The following CELF6 variants were observed in gnomAD, a reference collection of about 807,000 sequenced individuals.
The protein encoded by CELF6 is CUGBP Elav-like family member 6, also known as Bruno -like 6, RNA binding protein.
Under a neutral mutation model 53.1 loss-of-function variants are expected in CELF6, and 32 were observed. The observed-to-expected ratio is 0.60, with a 90% CI of 0.46 to 0.81. The LOEUF is 0.81. Among genes scored for constraint, CELF6 ranks in the 30% least tolerant of loss-of-function variants. The pLI, the probability that CELF6 is intolerant of heterozygous loss-of-function variation, is 0.00. For synonymous variants in CELF6, 291 were observed against 288.8 expected (o/e 1.01, Z -0.08); for missense variants, 539 against 669.5 (o/e 0.81, Z 2.15).
At chr15:72,307,111 C>T (rs887466809) in intron 2 of CELF6, among the ~76,000 whole-genome samples, 4 of 152,060 alleles carry the variant, frequency 2.6e-5, no homozygotes, top group Admixed American at 1.3e-4. Flanking sequence ...TTTATTAGTT[C>T]TTAAATAGAT....
chr15:72,302,026 C>T (rs1030853673), intron 3 of CELF6, among the ~76,000 whole-genome samples: 3 of 152,186 alleles, frequency 2.0e-5, no homozygotes, highest in African/African-American at 7.2e-5. Flanking sequence ...TGAGCCACTG[C>T]TCCCAGCCAA....
chr15:72,319,713 C>T lies in CELF6; in HGVS notation c.162G>A (p.Pro54=). The change falls in exon 1 of 13, where the codon CCG becomes CCA. Residue 54 remains proline, a synonymous_variant. Coordinates refer to ENST00000287202, the MANE Select transcript of CELF6 (RefSeq NM_052840.5). This position sits in a 1 kb window ranked among gnomAD's most constrained non-coding sequence, Gnocchi z 5.0. ...DAIKLFVGQI[P]RGLDEQDLKP... ...TGAGGTCCTGCTCGTCCAAGCCCCGCGGGATCTGCCCCACGAAGAGCTTGA... is the reference window on the plus strand; with the variant it reads ...TGAGGTCCTGCTCGTCCAAGCCCCGTGGGATCTGCCCCACGAAGAGCTTGA... The T allele has an allele frequency of 6.3e-7, 1 of 1,598,450 alleles. No individual in the cohort carries two copies. The highest frequency in any genetic ancestry group is 8.5e-7 in the Non-Finnish European group (1 of 1,172,498).
chr15:72,291,307 G>A (rs756339696), intron 3 of CELF6, among the ~76,000 whole-genome samples: 30 of 152,172 alleles, frequency 2.0e-4, no homozygotes, highest in Admixed American at 5.9e-4. Flanking sequence ...GGGAGCGTGG[G>A]GTAGAGGGGT....
chr15:72,310,738 T>C (rs10851852), intron 2 of CELF6, among the ~76,000 whole-genome samples: 147,770 of 151,968 alleles, frequency 0.97, 71,995 homozygotes, highest in East Asian at 1. Context: ...GATCCTCCAG[T>C]CTCAGCCTCC....
intron 2 of CELF6, among the ~76,000 whole-genome samples, chr15:72,311,405 C>CTTTTT (rs531976963): frequency 7.2e-6 from 1 of 138,592 alleles, no homozygotes; most frequent in African/African-American, 2.7e-5. Context: ...CACCTTTTTT[C>CTTTTT]TTTTTTTTTT....
rs549531529 is a variant in CELF6, at chr15:72,289,180, C to G, written c.988G>C (p.Gly330Arg). 40 of 1,559,406 alleles carry G rather than the reference C, an allele frequency of 2.6e-5. 1 individual carries two copies. In the South Asian group the frequency reaches 4.2e-4, roughly 17 times the overall value. Reference sequence around the variant, plus strand: ...CCGTTATTGTAGAGCGTGTCGGAGCCCGGCTGGCCATTGGTCTGGGGGGTC... The same window carrying G: ...CCGTTATTGTAGAGCGTGTCGGAGCGCGGCTGGCCATTGGTCTGGGGGGTC... ...PLTPQTNGQP[G>R]SDTLYNNGLS... is the part of the protein sequence containing the mutation. Residue 330 changes from glycine to arginine, a missense_variant, in exon 8 of 13, where the codon GGC becomes CGC. Physicochemically the swap from Gly to Arg is moderately radical, Grantham distance 125. Transcript: ENST00000287202. This position sits in a 1 kb window ranked among gnomAD's most constrained non-coding sequence, Gnocchi z 7.6.
chr15:72,315,031 C>T lies in CELF6; in HGVS notation c.345+814G>A, dbSNP rs191897281. ...ATATATCTTGTGTCTTTACTTCATC[C>T]TCGTCTCTTTCTTGTAGACAAACGA... On this transcript the variant is annotated intron_variant, in intron 2 of 12. Transcript: ENST00000287202. Among the ~76,000 whole-genome samples, 383 of 152,280 alleles carry T rather than the reference C, an allele frequency of 2.5e-3. 8 individuals carry two copies. The South Asian group carries it at 0.028, about 11-fold the overall frequency.
At position 72,288,517 on chromosome 15, in the gene CELF6, G is replaced by A; in HGVS notation, c.1174+21C>T. On this transcript the variant is annotated intron_variant, in intron 10 of 12. Transcript: ENST00000287202. This position sits in a 1 kb window ranked among gnomAD's most constrained non-coding sequence, Gnocchi z 4.6. The stretch of plus-strand genomic sequence containing the variant: ...GAGTCCAGCCCCACCAGGTTCTGCT[G>A]TCCAGCCCCCAGTCCCTCACCTTCT... 1 of 1,612,224 alleles carries A rather than the reference G, an allele frequency of 6.2e-7. No homozygotes were observed. Among genetic ancestry groups the A allele is most frequent in the Non-Finnish European group, 8.5e-7 (1 of 1,178,726 alleles).
At chr15:72,296,003 G>A (rs1490658502) in intron 3 of CELF6, among the ~76,000 whole-genome samples, 3 of 152,120 alleles carry the variant, frequency 2.0e-5, no homozygotes, top group Non-Finnish European at 4.4e-5. Context: ...TATAGTAATC[G>A]GCACTATGGT....
intron 2 of CELF6, among the ~76,000 whole-genome samples, chr15:72,304,995 G>C (rs2088208017): frequency 6.6e-6 from 1 of 152,186 alleles, no homozygotes; most frequent in South Asian, 2.1e-4. Flanking sequence ...GAAACTGGCA[G>C]GGATGGGTGA....
chr15:72,316,449 G>A (rs185556529), intron 1 of CELF6, among the ~76,000 whole-genome samples: 24 of 152,206 alleles, frequency 1.6e-4, no homozygotes, highest in Admixed American at 8.5e-4. Context: ...GTTTGAAGCT[G>A]GGGAATGGAT....
rs1250539823 is a variant in CELF6 at position 72,319,850 on chromosome 15, C to T, written c.25G>A (p.Ala9Thr). 2 of 1,529,766 alleles carry T rather than the reference C, an allele frequency of 1.3e-6. No individual in the cohort carries two copies. Among genetic ancestry groups the T allele is most frequent in the South Asian group, 1.2e-5 (1 of 82,338 alleles). 94.8% of individuals were successfully genotyped at this position (1,529,766 alleles called of 1,614,324 possible). MAAAPGGS[A>T]QPAGPGPRLG... Reference sequence around the variant, plus strand: ...CGCGGGCCGGGGCCAGCGGGCTGCGCTGACCCTCCCGGCGCCGCGGCCATG... The same window carrying T: ...CGCGGGCCGGGGCCAGCGGGCTGCGTTGACCCTCCCGGCGCCGCGGCCATG... The change falls in exon 1 of 13, where the codon GCG becomes ACG. Residue 9 changes from alanine (A) to threonine (T), a missense_variant. Transcript: ENST00000287202. The surrounding 1 kb of genome is among the most constrained non-coding windows in gnomAD (Gnocchi z 5.0).
Position 72,289,530 on chromosome 15 carries a change from G to C in CELF6, c.748-23C>G, listed in dbSNP as rs1208022669. The C allele has an allele frequency of 4.0e-6, 6 of 1,504,314 alleles. No homozygotes were observed. The highest frequency in any genetic ancestry group is 2.1e-5 in the Admixed American group (1 of 46,578). 93.2% of individuals were successfully genotyped at this position (1,504,314 alleles called of 1,614,324 possible). On this transcript the variant is annotated intron_variant, in intron 6 of 12. Coordinates refer to ENST00000287202, the MANE Select transcript of CELF6 (RefSeq NM_052840.5). The surrounding 1 kb of genome is among the most constrained non-coding windows in gnomAD (Gnocchi z 7.6). ...GATCTTTGAGAGGAAAGATGGGCGA[G>C]AGTGGAGGGCCAAGGGGCAGGCAGC...
intron 2 of CELF6, among the ~76,000 whole-genome samples, chr15:72,310,615 A>G (rs1159678128): frequency 6.6e-6 from 1 of 151,266 alleles, no homozygotes; most frequent in East Asian, 1.9e-4. Flanking sequence ...CAGCCTCCCA[A>G]GTAGCTGGGA....
chr15:72,289,645 G>C lies in CELF6; in HGVS notation c.729C>G (p.Cys243Trp). Residue 243 changes from cysteine (C) to tryptophan (W), a missense_variant, in exon 6 of 13, where the codon TGC (cysteine) becomes TGG (tryptophan). Cys to Trp is a radical substitution (Grantham distance 215, BLOSUM62 -2). This residue lies in a region of CELF6 where 358 missense variants were observed against 412.8 expected (regional missense o/e 0.87). Coordinates refer to ENST00000287202, the MANE Select transcript of CELF6 (RefSeq NM_052840.5). This position sits in a 1 kb window ranked among gnomAD's most constrained non-coding sequence, Gnocchi z 7.6. ...TACCTACCGCCGTGGTGTAGGCGCCGCAGGCCCCTAGCGGCAGTGGCGCGG... is the reference window on the plus strand; with the variant it reads ...TACCTACCGCCGTGGTGTAGGCGCCCCAGGCCCCTAGCGGCAGTGGCGCGG... ...FHPAPLPLGA[C>W]GAYTTAILQH... 1.3e-6 allele frequency: 2 copies of C among 1,502,196 alleles called. No homozygotes were observed. The highest frequency in any genetic ancestry group is 2.2e-5 in the Admixed American group (1 of 44,554). The allele number at this position is 1,502,196 out of a possible 1,614,324, so 93.1% of individuals were successfully genotyped here.
chr15:72,306,071 C>T (rs1376525345), intron 2 of CELF6: 1 of 984,718 alleles, frequency 1.0e-6, no homozygotes, highest in African/African-American at 1.7e-5. Context: ...TAGGTGATTT[C>T]AATATATCGC....
intron 3 of CELF6, among the ~76,000 whole-genome samples, chr15:72,291,964 G>C (rs997557763): frequency 6.6e-6 from 1 of 152,186 alleles, no homozygotes; most frequent in African/African-American, 2.4e-5. Flanking sequence ...TTTGCTTCTG[G>C]GGGTGTCAGC....
In CELF6 at chr15:72,289,429, T is replaced by A; in HGVS notation, c.826A>T (p.Met276Leu). 9 of 1,548,988 alleles carry A rather than the reference T, an allele frequency of 5.8e-6. No homozygotes were observed. Among genetic ancestry groups the A allele is most frequent in the Non-Finnish European group, 7.8e-6 (9 of 1,155,050 alleles). ...LGPVAAVAAQMQHVAAFSLVA... is the reference protein window; with the variant it reads ...LGPVAAVAAQLQHVAAFSLVA... ...AGGCTAAAGGCCGCCACGTGTTGCA[T>A]CTGGGCCGCCACTGCCGCCACCGGG... Residue 276 changes from methionine to leucine, a missense_variant, in exon 7 of 13, where the codon ATG becomes TTG. Met to Leu is a conservative substitution (Grantham distance 15, BLOSUM62 2). Transcript: ENST00000287202. The surrounding 1 kb of genome is among the most constrained non-coding windows in gnomAD (Gnocchi z 7.6).
In CELF6 at chr15:72,288,752, G is replaced by A. The variant is rs1243406509; in HGVS notation, c.1093+116C>T. On this transcript the variant is annotated intron_variant, in intron 9 of 12. Transcript: ENST00000287202. The surrounding 1 kb of genome is among the most constrained non-coding windows in gnomAD (Gnocchi z 4.6). Reference sequence around the variant, plus strand: ...CACCCCAAGAGAGGTCGTTCTGGGGGTAGGAGGGGATGGGAGGATCAACTC... The same window carrying A: ...CACCCCAAGAGAGGTCGTTCTGGGGATAGGAGGGGATGGGAGGATCAACTC... 14 of 1,348,684 alleles carry A rather than the reference G, an allele frequency of 1.0e-5. No individual in the cohort carries two copies. The highest frequency in any genetic ancestry group is 5.9e-5 in the Admixed American group (3 of 50,728). 83.5% of individuals were successfully genotyped at this position (1,348,684 alleles called of 1,614,324 possible). A position where few individuals can be genotyped will look rare whatever the true frequency, so the allele number is the denominator to read the frequency against.
Sources: gnomAD v4.1 joint callset for allele counts (sites outside exome capture counted in the v4.1 genomes callset) on GRCh38, gnomAD v4.1.1 for gene constraint, gnomAD v4.1.1 regional missense constraint, Gnocchi (gnomAD v3.1) non-coding constraint, MANE v1.5 for transcripts, NCBI Gene and HGNC (gene_info 2026-07-23, HGNC 2026-07-21) for gene names.